ADGRL2: variants seen among roughly 807,000 people sequenced by gnomAD.
ADGRL2 encodes the protein adhesion G protein-coupled receptor L2, also known as calcium-independent alpha-latrotoxin receptor 2.
ADGRL2 carries 44 observed loss-of-function variants against 157.4 expected under a neutral mutation model. The observed-to-expected ratio is 0.28, with a 90% CI of 0.22 to 0.36. The LOEUF (loss-of-function observed/expected upper bound fraction) is 0.36. Ranked by LOEUF, ADGRL2 falls within the 10% of genes least tolerant of loss-of-function variation. ADGRL2 has a pLI of 1.00. For missense variants in ADGRL2, 1,510 were observed against 1,768.9 expected (o/e 0.85, Z 2.63); for synonymous variants, 585 against 624.7 (o/e 0.94, Z 0.95).
chr1:81,492,479 G>A (rs1304363997), intron 2 of ADGRL2, among the ~76,000 whole-genome samples: 3 of 151,976 alleles, frequency 2.0e-5, no homozygotes, highest in Non-Finnish European at 4.4e-5. Flanking sequence ...AGATCACATG[G>A]GAATGAGAAA....
intron 4 of ADGRL2, among the ~76,000 whole-genome samples, chr1:81,938,483 A>T (rs1039754619): frequency 2.0e-5 from 3 of 151,626 alleles, no homozygotes; most frequent in Non-Finnish European, 4.4e-5. Flanking sequence ...TAACTTGCAA[A>T]ATTTTACTTT....
chr1:81,665,825 A>C (rs560695886), intron 3 of ADGRL2, among the ~76,000 whole-genome samples: 1 of 152,238 alleles, frequency 6.6e-6, no homozygotes, highest in Non-Finnish European at 1.5e-5. Context: ...TATGTCAATA[A>C]CCAGTCTCAA....
chr1:81,838,518 A>G (rs2092397629), intron 2 of ADGRL2, among the ~76,000 whole-genome samples: 1 of 152,232 alleles, frequency 6.6e-6, no homozygotes, highest in Non-Finnish European at 1.5e-5. Flanking sequence ...GTGTTTAATA[A>G]TATAAATTTC....
At chr1:81,309,117 A>G (rs1014407974) in intron 1 of ADGRL2, among the ~76,000 whole-genome samples, 1 of 152,160 alleles carries the variant, frequency 6.6e-6, no homozygotes, top group East Asian at 1.9e-4. Context: ...GGCTGTAGAA[A>G]CTTGCGACCC....
At chr1:81,446,000 T>C (rs890157543) in intron 2 of ADGRL2, among the ~76,000 whole-genome samples, 1 of 152,216 alleles carries the variant, frequency 6.6e-6, no homozygotes, top group Non-Finnish European at 1.5e-5. Flanking sequence ...CTCCTCACCT[T>C]ACTTGCTTCA....
intron 2 of ADGRL2, among the ~76,000 whole-genome samples, chr1:81,873,532 T>C (rs922413074): frequency 1.3e-5 from 2 of 152,034 alleles, no homozygotes; most frequent in African/African-American, 2.4e-5. Flanking sequence ...TTACAGAAAA[T>C]GGAGTAGCCT....
At chr1:81,420,581 T>A (rs1477804307) in intron 1 of ADGRL2, among the ~76,000 whole-genome samples, 3 of 152,232 alleles carry the variant, frequency 2.0e-5, no homozygotes, top group Non-Finnish European at 4.4e-5. Context: ...TAAAGAGCAT[T>A]GTTTTGTCCT....
At chr1:81,788,475 C>T (rs914423655) in intron 2 of ADGRL2, among the ~76,000 whole-genome samples, 10 of 152,138 alleles carry the variant, frequency 6.6e-5, no homozygotes, top group Admixed American at 2.0e-4. Flanking sequence ...TTCCTGAGGC[C>T]CTCAGCAGAA....
At chr1:81,509,347 C>T (rs1489232888) in intron 2 of ADGRL2, among the ~76,000 whole-genome samples, 1 of 151,704 alleles carries the variant, frequency 6.6e-6, no homozygotes, top group East Asian at 1.9e-4. Flanking sequence ...AGAATCACTT[C>T]GGAAAAAATA....
intron 2 of ADGRL2, among the ~76,000 whole-genome samples, chr1:81,458,522 G>A (rs115768953): frequency 0.014 from 2,161 of 152,210 alleles, 61 homozygotes; most frequent in Admixed American, 0.073. Flanking sequence ...CATGACCTCT[G>A]CCCAGGGCCT....
chr1:81,357,207 A>G (rs1310735452), intron 1 of ADGRL2, among the ~76,000 whole-genome samples: 3 of 152,014 alleles, frequency 2.0e-5, no homozygotes, highest in African/African-American at 7.2e-5. Context: ...GACTCTTTGG[A>G]CTTTCTCAGG....
chr1:81,444,582 C>A (rs77150605), intron 1 of ADGRL2, among the ~76,000 whole-genome samples: 1,674 of 152,280 alleles, frequency 0.011, 14 homozygotes, highest in African/African-American at 0.026. Flanking sequence ...ATCACTAAAC[C>A]AGAAAGAAAC....
chr1:81,803,239 G>A (rs979281060), intron 1 of ADGRL2, among the ~76,000 whole-genome samples: 9 of 152,212 alleles, frequency 5.9e-5, no homozygotes, highest in Middle Eastern at 3.4e-3. Flanking sequence ...GATTGGCTGG[G>A]GCGACCCTCA....
Position 81,611,771 on chromosome 1 carries a change from C to G in ADGRL2, c.-143+30791C>G, listed in dbSNP as rs187947529. ...CTAGACCTGCTGATATGGTTTGGCT[C>G]TATGTCCCCACCCAAATCTCATCTC... On this transcript the variant is annotated intron_variant, in intron 3 of 24. Coordinates refer to the ADGRL2 transcript ENST00000370721. 1.9e-4 allele frequency among the ~76,000 whole-genome samples: 29 copies of G among 152,242 alleles called. No individual in the cohort carries two copies. In the South Asian group the frequency reaches 2.1e-3, roughly 11 times the overall value.
chr1:81,567,924 A>G (rs2080598853), intron 2 of ADGRL2, among the ~76,000 whole-genome samples: 1 of 152,142 alleles, frequency 6.6e-6, no homozygotes, highest in South Asian at 2.1e-4. Context: ...GGTCATAAAT[A>G]GCAAGATAAG....
intron 2 of ADGRL2, among the ~76,000 whole-genome samples, chr1:81,535,279 A>T (rs1464587550): frequency 6.6e-6 from 1 of 152,214 alleles, no homozygotes; most frequent in Non-Finnish European, 1.5e-5. Flanking sequence ...TAAAAATTTT[A>T]AATATCTCTT....
At chr1:81,660,634 T>A (rs1043458314) in intron 3 of ADGRL2, among the ~76,000 whole-genome samples, 3 of 152,110 alleles carry the variant, frequency 2.0e-5, no homozygotes, top group African/African-American at 4.8e-5. Context: ...TTTTCTAGGT[T>A]TTAGTGGTTT....
chr1:81,729,702 A>G (rs1372895451), intron 1 of ADGRL2, among the ~76,000 whole-genome samples: 1 of 152,210 alleles, frequency 6.6e-6, no homozygotes, highest in African/African-American at 2.4e-5. Flanking sequence ...TCTGACAGTT[A>G]ATCTTTCCAG....
intron 2 of ADGRL2, among the ~76,000 whole-genome samples, chr1:81,785,827 G>A (rs796866470): frequency 7.9e-5 from 12 of 152,104 alleles, no homozygotes; most frequent in African/African-American, 2.9e-4. Flanking sequence ...TGAGTTATAA[G>A]CTGCATGTAG....
Sources: allele counts gnomAD v4.1 joint callset (sites outside exome capture counted in the v4.1 genomes callset), GRCh38; gene constraint gnomAD v4.1.1; transcripts MANE v1.5; gene names NCBI Gene and HGNC (gene_info 2026-07-23, HGNC 2026-07-21).